AGPS: variants seen among roughly 807,000 people sequenced by gnomAD.
AGPS encodes alkylglycerone phosphate synthase.
A neutral mutation model predicts 90.7 loss-of-function variants in AGPS; 26 were observed. That is an observed-to-expected ratio of 0.29 (90% CI 0.21 to 0.40). The LOEUF (loss-of-function observed/expected upper bound fraction) is 0.40, where lower values mean the gene tolerates loss of function less well. Among genes scored for constraint, AGPS ranks in the 10% least tolerant of loss-of-function variants. AGPS has a pLI of 1.00. For synonymous variants in AGPS, 294 were observed against 285.3 expected, an observed-to-expected ratio of 1.03 and a Z score of -0.31; for missense variants, 540 against 816.1, an observed-to-expected ratio of 0.66 and a Z score of 4.12.
intron 10 of AGPS, among the ~76,000 whole-genome samples, chr2:177,475,377 A>G (rs1454029867): frequency 1.3e-5 from 2 of 152,204 alleles, no homozygotes; most frequent in Non-Finnish European, 2.9e-5. Context: ...TAACCTGTCA[A>G]CCCTTTGCCT....
At chr2:177,409,149 GAAGGGGCTACTGC>G (rs1685548596) in intron 1 of AGPS, among the ~76,000 whole-genome samples, 1 of 88,398 alleles carries the variant, frequency 1.1e-5, no homozygotes, top group African/African-American at 2.8e-5. Context: ...ACTTAAAGTA[GAAGGGGCTACTGC>G]TGATTTTTTT....
intron 1 of AGPS, among the ~76,000 whole-genome samples, chr2:177,407,956 T>A (rs1685511442): frequency 6.6e-6 from 1 of 152,066 alleles, no homozygotes; most frequent in South Asian, 2.1e-4. Context: ...GCCTGGTTAT[T>A]AAAAAATTTG....
At chr2:177,428,568 G>C (rs183324840) in intron 2 of AGPS, among the ~76,000 whole-genome samples, 2 of 151,820 alleles carry the variant, frequency 1.3e-5, no homozygotes, top group Non-Finnish European at 2.9e-5. Flanking sequence ...CTTCTTCTTC[G>C]CTTATGAAGC....
intron 15 of AGPS, among the ~76,000 whole-genome samples, chr2:177,505,895 C>A (rs1450383292): frequency 6.6e-6 from 1 of 151,864 alleles, no homozygotes. Flanking sequence ...TACTTAGCAA[C>A]ACTCTTCACT....
chr2:177,431,387 T>C (rs753326110), intron 2 of AGPS, among the ~76,000 whole-genome samples: 5 of 152,212 alleles, frequency 3.3e-5, no homozygotes, highest in Non-Finnish European at 5.9e-5. Context: ...TGTTCGGCTG[T>C]GCACGTATTG....
Position 177,439,599 on chromosome 2 carries a change from A to G in AGPS, c.638-1366A>G, listed in dbSNP as rs535034499. ...TAAAAATCGGAATGAAACAAATGAC[A>G]TGTTTTCTTAGCTTTACACAAACCT... is the stretch of plus-strand genomic sequence containing the variant. On this transcript the variant is annotated intron_variant, in intron 5 of 19. Transcript: ENST00000264167. Among the ~76,000 whole-genome samples the G allele has an allele frequency of 2.6e-5, 4 of 152,326 alleles. No homozygotes were observed. In the South Asian group the frequency reaches 8.3e-4, roughly 32 times the overall value.
chr2:177,397,569 A>G (rs1160587796), intron 1 of AGPS, among the ~76,000 whole-genome samples: 1 of 151,778 alleles, frequency 6.6e-6, no homozygotes, highest in Non-Finnish European at 1.5e-5. Context: ...TTTCCCAGTT[A>G]TAACTTTGGC....
At chr2:177,501,539 T>C (rs768118349) in intron 14 of AGPS, among the ~76,000 whole-genome samples, 9 of 152,226 alleles carry the variant, frequency 5.9e-5, no homozygotes, top group Non-Finnish European at 1.2e-4. Flanking sequence ...AAGTGAATAC[T>C]ATATTTTCCT....
intron 18 of AGPS, among the ~76,000 whole-genome samples, chr2:177,523,395 T>C (rs1175270660): frequency 2.0e-5 from 3 of 152,352 alleles, no homozygotes; most frequent in Admixed American, 6.5e-5. Flanking sequence ...AGTCACTTTG[T>C]TGGTATAATG....
chr2:177,482,261 T>C, intron 11 of AGPS, 75 bp downstream of exon 11: 1 of 826,496 alleles, frequency 1.2e-6, no homozygotes, highest in Non-Finnish European at 1.8e-6. Context: ...TTCTACTACA[T>C]AGTTGATTGT....
chr2:177,475,566 G>A (rs1687758033), intron 10 of AGPS, among the ~76,000 whole-genome samples: 1 of 152,120 alleles, frequency 6.6e-6, no homozygotes, highest in African/African-American at 2.4e-5. Flanking sequence ...TATATAATAT[G>A]TAATCTTATG....
chr2:177,452,295 A>G (rs1352227851), intron 8 of AGPS, among the ~76,000 whole-genome samples: 1 of 152,140 alleles, frequency 6.6e-6, no homozygotes, highest in African/African-American at 2.4e-5. Flanking sequence ...CTCCAACAGT[A>G]ATTGTAGATT....
At chr2:177,493,011 TA>T in intron 11 of AGPS, 136 bp from the exon 12 acceptor site, 1 of 737,308 alleles carries the variant, frequency 1.4e-6, no homozygotes, top group Non-Finnish European at 2.2e-6. Context: ...TATGAAAAGT[TA>T]ACTTTTTTTC....
At chr2:177,412,782 T>C (rs1344058917) in intron 1 of AGPS, among the ~76,000 whole-genome samples, 2 of 152,116 alleles carry the variant, frequency 1.3e-5, no homozygotes, top group African/African-American at 4.8e-5. Flanking sequence ...TTGGGCCATG[T>C]GGTGAGTGTT....
intron 14 of AGPS, among the ~76,000 whole-genome samples, chr2:177,504,893 G>A (rs1303105560): frequency 6.6e-6 from 1 of 151,834 alleles, no homozygotes; most frequent in African/African-American, 2.4e-5. Context: ...TATTTGTATG[G>A]GATTAATTCT....
chr2:177,508,664 G>A (rs969427874), intron 16 of AGPS, among the ~76,000 whole-genome samples: 9 of 152,058 alleles, frequency 5.9e-5, no homozygotes, highest in African/African-American at 2.2e-4. Context: ...TAGGAAATGC[G>A]AAATGGTTTA....
chr2:177,474,983 G>A (rs955193701), intron 10 of AGPS, among the ~76,000 whole-genome samples: 7 of 152,206 alleles, frequency 4.6e-5, no homozygotes, highest in African/African-American at 1.7e-4. Context: ...CCTGGTTAAA[G>A]TCAGGGTTTA....
At chr2:177,505,629 T>C (rs1463471945) in intron 15 of AGPS, 54 bp downstream of exon 15, 1 of 1,495,776 alleles carries the variant, frequency 6.7e-7, no homozygotes, top group East Asian at 2.3e-5. Flanking sequence ...AACAATACTT[T>C]TTCTTACTTT....
In AGPS at chr2:177,429,192, C is replaced by T. The variant is rs115379349; in HGVS notation, c.351-5135C>T. Among the ~76,000 whole-genome samples, 452 of 152,264 alleles carry T rather than the reference C, an allele frequency of 3.0e-3. 4 individuals are homozygous for T. Among genetic ancestry groups the T allele is most frequent in the African/African-American group, 0.01 (427 of 41,544 alleles). ...TATGCTCCTCTCTAAACTGGCTCTTCTGGTTTTCAGCTCCTGTATTGTTTT... is the reference window on the plus strand; with the variant it reads ...TATGCTCCTCTCTAAACTGGCTCTTTTGGTTTTCAGCTCCTGTATTGTTTT... On this transcript the variant is annotated intron_variant, in intron 2 of 19. Coordinates refer to ENST00000264167, the MANE Select transcript of AGPS (RefSeq NM_003659.4).
Sources: allele counts gnomAD v4.1 joint callset (sites outside exome capture counted in the v4.1 genomes callset), GRCh38; gene constraint gnomAD v4.1.1; transcripts MANE v1.5; gene names NCBI Gene and HGNC (gene_info 2026-07-23, HGNC 2026-07-21).